The following CNTN3 variants were observed in gnomAD, a reference collection of about 807,000 sequenced individuals.
CNTN3 encodes the protein contactin 3, also known as contactin-3.
In CNTN3, 60 loss-of-function variants were observed where a neutral mutation model predicts 119.1. The ratio of observed to expected loss-of-function variants is 0.50; its 90% CI spans 0.41 to 0.62. The LOEUF is 0.62. Ranked by LOEUF, CNTN3 falls within the 20% of genes least tolerant of loss-of-function variation. The pLI is 0.00. For missense variants in CNTN3, 1,101 were observed against 1,242.4 expected, an observed-to-expected ratio of 0.89 and a Z score of 1.71; for synonymous variants, 450 against 438.7, an observed-to-expected ratio of 1.03 and a Z score of -0.32.
At chr3:74,307,641 G>A (rs1264092992) in intron 13 of CNTN3, among the ~76,000 whole-genome samples, 1 of 152,040 alleles carries the variant, frequency 6.6e-6, no homozygotes, top group African/African-American at 2.4e-5. Flanking sequence ...ACCCATACCA[G>A]ATAAAAATAA....
intron 5 of CNTN3, among the ~76,000 whole-genome samples, chr3:74,410,271 A>T (rs945845427): frequency 2.6e-5 from 4 of 152,176 alleles, no homozygotes; most frequent in Non-Finnish European, 4.4e-5. Flanking sequence ...GAGACTCAGA[A>T]CCACAGCTAT....
Position 74,264,359 on chromosome 3 carries a change from T to A in CNTN3, c.*42A>T, listed in dbSNP as rs771953391. 8.5e-6 allele frequency: 10 copies of A among 1,177,486 alleles called. No individual in the cohort carries two copies. The South Asian group carries it at 1.8e-4, about 21-fold the overall frequency. The allele number at this position is 1,177,486 out of a possible 1,614,324, so 72.9% of individuals were successfully genotyped here. On this transcript the variant is annotated 3_prime_UTR_variant, in exon 23 of 23. Coordinates refer to ENST00000263665, the MANE Select transcript of CNTN3 (RefSeq NM_020872.3). Reference sequence around the variant, plus strand: ...CATTTCATGAAAGCACTTTTTTTGGTAACCAAATAACTTTCCAATAAATAA... The same window carrying A: ...CATTTCATGAAAGCACTTTTTTTGGAAACCAAATAACTTTCCAATAAATAA...
chr3:74,421,918 C>T (rs1575708990), intron 5 of CNTN3, among the ~76,000 whole-genome samples: 1 of 152,332 alleles, frequency 6.6e-6, no homozygotes, highest in East Asian at 1.9e-4. Context: ...TTACTCTGAT[C>T]TGTCAATCCC....
chr3:74,369,453 C>T, intron 7 of CNTN3, 80 bp from the exon 8 acceptor site: 1 of 1,117,516 alleles, frequency 8.9e-7, no homozygotes, highest in Non-Finnish European at 1.2e-6. Context: ...TAAGATTGAA[C>T]AAGAAGGCAC....
intron 13 of CNTN3, among the ~76,000 whole-genome samples, chr3:74,334,524 G>T (rs1703341591): frequency 6.6e-6 from 1 of 152,170 alleles, no homozygotes; most frequent in African/African-American, 2.4e-5. Context: ...TCCATCAATT[G>T]TAATTGTAAT....
chr3:74,568,444 C>A (rs1704259882), intron 1 of CNTN3, among the ~76,000 whole-genome samples: 1 of 152,182 alleles, frequency 6.6e-6, no homozygotes, highest in African/African-American at 2.4e-5. Flanking sequence ...AAACAGTAAA[C>A]TGAACAAACT....
intron 13 of CNTN3, among the ~76,000 whole-genome samples, chr3:74,322,476 C>T (rs943066851): frequency 6.6e-6 from 1 of 152,118 alleles, no homozygotes; most frequent in African/African-American, 2.4e-5. Flanking sequence ...TGGCCAAAAT[C>T]CAGACACTGA....
chr3:74,557,692 C>T (rs1704091439), intron 1 of CNTN3, among the ~76,000 whole-genome samples: 1 of 146,226 alleles, frequency 6.8e-6, no homozygotes, highest in African/African-American at 2.5e-5. Flanking sequence ...TCCACCCTGT[C>T]ACTTCAGGCT....
chr3:74,595,768 G>A (rs959238025), intron 1 of CNTN3, among the ~76,000 whole-genome samples: 1 of 152,110 alleles, frequency 6.6e-6, no homozygotes, highest in African/African-American at 2.4e-5. Context: ...TATTCCCTTT[G>A]AAAACTGGCA....
At chr3:74,271,090 T>C (rs907489777) in intron 20 of CNTN3, among the ~76,000 whole-genome samples, 1 of 152,224 alleles carries the variant, frequency 6.6e-6, no homozygotes, top group Non-Finnish European at 1.5e-5. Flanking sequence ...ATCAGCTTCA[T>C]AGATTTTACT....
intron 8 of CNTN3, among the ~76,000 whole-genome samples, chr3:74,367,120 A>G (rs1446027915): frequency 6.6e-6 from 1 of 151,808 alleles, no homozygotes; most frequent in Non-Finnish European, 1.5e-5. Flanking sequence ...TCTATAGACT[A>G]TTTTTTACAT....
intron 11 of CNTN3, among the ~76,000 whole-genome samples, chr3:74,356,537 C>G (rs1197803860): frequency 6.6e-6 from 1 of 152,038 alleles, no homozygotes; most frequent in African/African-American, 2.4e-5. Flanking sequence ...GTCCTGTTAC[C>G]TGTCTGTATA....
At chr3:74,359,266 T>C (rs1704022926) in intron 11 of CNTN3, among the ~76,000 whole-genome samples, 1 of 152,164 alleles carries the variant, frequency 6.6e-6, no homozygotes, top group Non-Finnish European at 1.5e-5. Context: ...ACTTTTACTT[T>C]CAAAATTTTA....
intron 1 of CNTN3, among the ~76,000 whole-genome samples, chr3:74,594,273 C>CTTTTTTTTTTTTTTTTT (rs59436860): frequency 2.7e-5 from 3 of 112,062 alleles, no homozygotes; most frequent in African/African-American, 6.0e-5. Context: ...TTCTTTTTTT[C>CTTTTTTTTTTTTTTTTT]TTTTTTTTTT....
chr3:74,608,745 A>C (rs1705032814), intron 1 of CNTN3, among the ~76,000 whole-genome samples: 1 of 152,220 alleles, frequency 6.6e-6, no homozygotes, highest in South Asian at 2.1e-4. Flanking sequence ...TAGACTTTCT[A>C]TCTTTCCAGA....
intron 4 of CNTN3, among the ~76,000 whole-genome samples, chr3:74,469,654 C>T (rs1702524981): frequency 6.6e-6 from 1 of 152,112 alleles, no homozygotes; most frequent in Admixed American, 6.6e-5. Flanking sequence ...ATACGATACC[C>T]CTTCGTACCC....
At position 74,549,897 on chromosome 3, in the gene CNTN3, G is replaced by A. The variant is rs189744752; in HGVS notation, c.-80-28705C>T. Among the ~76,000 whole-genome samples, 11 of 152,336 alleles carry A rather than the reference G, an allele frequency of 7.2e-5. No individual in the cohort carries two copies. In the East Asian group the frequency reaches 1.9e-3, roughly 27 times the overall value. On this transcript the variant is annotated intron_variant, in intron 1 of 22. Coordinates refer to ENST00000263665, the MANE Select transcript of CNTN3 (RefSeq NM_020872.3). ...CATACGCCCTCAGGGTCCTGGAACA[G>A]GCACATGCCATCTGCAGTGGAGAAC... is the stretch of plus-strand genomic sequence containing the variant.
intron 2 of CNTN3, among the ~76,000 whole-genome samples, chr3:74,502,032 A>G (rs1703175227): frequency 6.6e-6 from 1 of 152,148 alleles, no homozygotes; most frequent in East Asian, 1.9e-4. Context: ...TTTTACAAAT[A>G]TTTGTAAATA....
At chr3:74,593,033 T>C (rs1704731917) in intron 1 of CNTN3, among the ~76,000 whole-genome samples, 2 of 152,010 alleles carry the variant, frequency 1.3e-5, no homozygotes, top group African/African-American at 4.8e-5. Flanking sequence ...GACTCAATAT[T>C]CTAATTTATA....
Sources: allele counts gnomAD v4.1 joint callset (sites outside exome capture counted in the v4.1 genomes callset), GRCh38; gene constraint gnomAD v4.1.1; transcripts MANE v1.5; gene names NCBI Gene and HGNC (gene_info 2026-07-23, HGNC 2026-07-21).